The following GID4 variants were observed in gnomAD, a reference collection of about 807,000 sequenced individuals.
GID4 encodes the protein GID complex subunit 4 homolog, also known as glucose-induced degradation protein 4 homolog.
In GID4, 7 loss-of-function variants were observed where a neutral mutation model predicts 32.4. The observed-to-expected ratio is 0.22, with a 90% CI of 0.12 to 0.41. The LOEUF (loss-of-function observed/expected upper bound fraction) is 0.41. Among genes scored for constraint, GID4 ranks in the 10% least tolerant of loss-of-function variants. The pLI is 1.00. For missense variants in GID4, 309 were observed against 400.0 expected (o/e 0.77, Z 1.94); for synonymous variants, 166 against 170.0 (o/e 0.98, Z 0.18).
rs188421948 is a variant in GID4 at position 18,062,798 on chromosome 17, G to A, written c.839+823G>A. On this transcript the variant is annotated intron_variant, in intron 5 of 5. Coordinates refer to ENST00000268719, the MANE Select transcript of GID4 (RefSeq NM_024052.5). Reference sequence around the variant, plus strand: ...TCCTTTTTAAAAATAACAGCTGGCCGGGCACAGTGGCTCACGCATGTAATC... The same window carrying A: ...TCCTTTTTAAAAATAACAGCTGGCCAGGCACAGTGGCTCACGCATGTAATC... Among the ~76,000 whole-genome samples the A allele has an allele frequency of 3.3e-5, 5 of 152,286 alleles. No homozygotes were observed. The East Asian group carries it at 9.6e-4, about 29-fold the overall frequency.
At chr17:18,042,021 T>C (rs2044808330) in intron 1 of GID4, among the ~76,000 whole-genome samples, 1 of 152,240 alleles carries the variant, frequency 6.6e-6, no homozygotes, top group South Asian at 2.1e-4. Context: ...TCATCACGAC[T>C]AGTCAGTGGC....
rs2045085298 is a variant in GID4 at position 18,068,198 on chromosome 17, A to G, written c.*2955A>G. The G allele has an allele frequency of 6.6e-6, 1 of 152,594 alleles. No individual in the cohort carries two copies. The highest frequency in any genetic ancestry group is 2.4e-5 in the African/African-American group (1 of 41,432). The allele number at this position is 152,594 out of a possible 1,614,324, so 9.5% of individuals were successfully genotyped here. A position where few individuals can be genotyped will look rare whatever the true frequency, so the allele number is the denominator to read the frequency against. On this transcript the variant is annotated 3_prime_UTR_variant, in exon 6 of 6. Transcript: ENST00000268719. ...GTTGTATCGTGGTTTAAAATTACTAACAAGTTGTGGGAAAGAAAAATAATA... is the reference window on the plus strand; with the variant it reads ...GTTGTATCGTGGTTTAAAATTACTAGCAAGTTGTGGGAAAGAAAAATAATA...
At chr17:18,056,971 G>T in intron 3 of GID4, 1 of 1,550,568 alleles carries the variant, frequency 6.4e-7, no homozygotes, top group Non-Finnish European at 8.7e-7. Flanking sequence ...GTTTGTCTGA[G>T]ATTTACAATG....
chr17:18,059,565 GCT>G (rs1567588858), intron 4 of GID4, among the ~76,000 whole-genome samples: 1 of 152,142 alleles, frequency 6.6e-6, no homozygotes, highest in Non-Finnish European at 1.5e-5. Context: ...TTGGCTTTTA[GCT>G]GCGAGGTCAT....
At chr17:18,058,657 G>A (rs1273232235) in intron 3 of GID4, among the ~76,000 whole-genome samples, 3 of 152,178 alleles carry the variant, frequency 2.0e-5, no homozygotes, top group East Asian at 1.9e-4. Flanking sequence ...GGCCCCAGCT[G>A]GAGTCCAGGT....
At position 18,066,270 on chromosome 17, in the gene GID4, T is replaced by C. The variant is rs921309975; in HGVS notation, c.*1027T>C. 2.6e-5 allele frequency: 4 copies of C among 152,576 alleles called. No individual in the cohort carries two copies. In the East Asian group the frequency reaches 7.7e-4, roughly 29 times the overall value. The allele number at this position is 152,576 out of a possible 1,614,324, so 9.5% of individuals were successfully genotyped here. A position where few individuals can be genotyped will look rare whatever the true frequency, so the allele number is the denominator to read the frequency against. ...TAGTGCTCAACACAAGAACTGTTTT[T>C]GGGGCCAGTTTAGCATTTGTGCCGC... On this transcript the variant is annotated 3_prime_UTR_variant, in exon 6 of 6. Coordinates refer to ENST00000268719, the MANE Select transcript of GID4 (RefSeq NM_024052.5).
chr17:18,051,019 T>C (rs2044904446), intron 2 of GID4, among the ~76,000 whole-genome samples: 2 of 152,260 alleles, frequency 1.3e-5, no homozygotes, highest in African/African-American at 2.4e-5. Context: ...GTATTTATTT[T>C]ATTTAATTCT....
Position 18,045,187 on chromosome 17 carries a change from A to G in GID4, c.479A>G (p.Lys160Arg). 6.2e-7 allele frequency: 1 copy of G among 1,613,644 alleles called. No individual in the cohort carries two copies. The highest frequency in any genetic ancestry group is 8.5e-7 in the Non-Finnish European group (1 of 1,179,596). Residue 160 changes from lysine (K) to arginine (R), a missense_variant, in exon 2 of 6, where the codon AAG becomes AGG. Physicochemically the swap from Lys to Arg is conservative, Grantham distance 26. Around this residue, in one of 2 missense-constraint regions of GID4, gnomAD observed 116 missense variants for 214.2 expected, o/e 0.54. Transcript: ENST00000268719. ...AACTCTTACCTTTGTGGGTACTTGAAGATTAAAGGCCTTACTGAGGTAAGC... is the reference window on the plus strand; with the variant it reads ...AACTCTTACCTTTGTGGGTACTTGAGGATTAAAGGCCTTACTGAGGTAAGC... The part of the protein sequence containing the change: ...TGNSYLCGYL[K>R]IKGLTEEYPT...
chr17:18,053,843 A>T lies in GID4; in HGVS notation c.499-284A>T, dbSNP rs564366355. Among the ~76,000 whole-genome samples, 42 of 152,316 alleles carry T rather than the reference A, an allele frequency of 2.8e-4. No individual in the cohort carries two copies. The South Asian group carries it at 8.5e-3, about 31-fold the overall frequency. ...ATATTAAAAATTTATTTGTGGAAACATCCAAATTATTTTCTAAGAGACTAG... is the reference window on the plus strand; with the variant it reads ...ATATTAAAAATTTATTTGTGGAAACTTCCAAATTATTTTCTAAGAGACTAG... On this transcript the variant is annotated intron_variant, in intron 2 of 5. Coordinates refer to ENST00000268719, the MANE Select transcript of GID4 (RefSeq NM_024052.5).
At chr17:18,051,337 A>G (rs1382669101) in intron 2 of GID4, among the ~76,000 whole-genome samples, 2 of 152,154 alleles carry the variant, frequency 1.3e-5, no homozygotes, top group Non-Finnish European at 2.9e-5. Flanking sequence ...ATTTCATCCT[A>G]TCCCTTTCAA....
chr17:18,044,322 G>C (rs957197423), intron 1 of GID4, among the ~76,000 whole-genome samples: 3 of 152,152 alleles, frequency 2.0e-5, no homozygotes, highest in African/African-American at 7.2e-5. Flanking sequence ...GTCTTACGTG[G>C]TAGGTAGGTA....
intron 4 of GID4, among the ~76,000 whole-genome samples, chr17:18,059,718 TGTCAGCTTTC>T (rs1180710069): frequency 6.6e-6 from 1 of 152,218 alleles, no homozygotes; most frequent in Non-Finnish European, 1.5e-5. Context: ...CTTGAAATCT[TGTCAGCTTTC>T]ATAAAGATGA....
intron 2 of GID4, among the ~76,000 whole-genome samples, chr17:18,052,280 C>T (rs2044918536): frequency 6.6e-6 from 1 of 151,978 alleles, no homozygotes; most frequent in Admixed American, 6.6e-5. Context: ...AAACAGATCC[C>T]CTCCATGGTG....
Position 18,068,336 on chromosome 17 carries a change from G to T in GID4, c.*3093G>T, listed in dbSNP as rs1225439281. The T allele has an allele frequency of 6.6e-6, 1 of 152,290 alleles. No homozygotes were observed. The highest frequency in any genetic ancestry group is 2.4e-5 in the African/African-American group (1 of 41,308). The allele number at this position is 152,290 out of a possible 1,614,324, so 9.4% of individuals were successfully genotyped here. ...GAAGGAGTTTGAGGGTTTGGGATGGGAGAAGTATTTTGCAGAGCTATCAAT... is the reference window on the plus strand; with the variant it reads ...GAAGGAGTTTGAGGGTTTGGGATGGTAGAAGTATTTTGCAGAGCTATCAAT... On this transcript the variant is annotated 3_prime_UTR_variant, in exon 6 of 6. Transcript: ENST00000268719.
intron 2 of GID4, among the ~76,000 whole-genome samples, chr17:18,053,576 C>T (rs969193541): frequency 1.3e-5 from 2 of 151,988 alleles, no homozygotes; most frequent in Non-Finnish European, 2.9e-5. Context: ...GAAATTGTGC[C>T]ATTGCACTCC....
rs988567617 is a variant in GID4, at chr17:18,039,528, G to A, written c.64G>A (p.Val22Ile). The A allele has an allele frequency of 7.6e-7, 1 of 1,309,042 alleles. No individual in the cohort carries two copies. Among genetic ancestry groups the A allele is most frequent in the Non-Finnish European group, 9.7e-7 (1 of 1,033,604 alleles). 81.1% of individuals were successfully genotyped at this position (1,309,042 alleles called of 1,614,324 possible). A position where few individuals can be genotyped will look rare whatever the true frequency, so the allele number is the denominator to read the frequency against. ...QLRTGRPCSQ[V>I]PGSRWRPERL... Reference sequence around the variant, plus strand: ...CAGGACTGGGAGGCCCTGCTCGCAGGTCCCTGGGTCCCGGTGGCGGCCGGA... The same window carrying A: ...CAGGACTGGGAGGCCCTGCTCGCAGATCCCTGGGTCCCGGTGGCGGCCGGA... The change falls in exon 1 of 6, where the codon GTC becomes ATC. Residue 22 changes from valine to isoleucine, a missense_variant. This residue lies in a region of GID4 where 193 missense variants were observed against 185.8 expected (regional missense o/e 1.04). Transcript: ENST00000268719. This position sits in a 1 kb window ranked among gnomAD's most constrained non-coding sequence, Gnocchi z 5.3.
chr17:18,061,617 G>A lies in GID4; in HGVS notation c.709-228G>A, dbSNP rs1001563860. Among the ~76,000 whole-genome samples, 2 of 152,162 alleles carry A rather than the reference G, an allele frequency of 1.3e-5. No individual in the cohort carries two copies. The highest frequency in any genetic ancestry group is 4.8e-5 in the African/African-American group (2 of 41,420). On this transcript the variant is annotated intron_variant, in intron 4 of 5. Coordinates refer to ENST00000268719, the MANE Select transcript of GID4 (RefSeq NM_024052.5). This position sits in a 1 kb window ranked among gnomAD's most constrained non-coding sequence, Gnocchi z 4.4. ...GAATTGCTGATCCTAGTGAGCTCAA[G>A]ACACAGTTTGTCACTTTAGTATATA...
chr17:18,064,179 C>T (rs2045040586), intron 5 of GID4, among the ~76,000 whole-genome samples: 1 of 152,114 alleles, frequency 6.6e-6, no homozygotes, highest in Admixed American at 6.6e-5. Context: ...TGGACATATA[C>T]CTAGGAGTGA....
chr17:18,046,188 C>T (rs1474485217), intron 2 of GID4, among the ~76,000 whole-genome samples: 2 of 152,222 alleles, frequency 1.3e-5, no homozygotes, highest in Non-Finnish European at 2.9e-5. Context: ...AGTATTTGGA[C>T]AGAGTGCTGT....
Sources: gnomAD v4.1 joint callset for allele counts (sites outside exome capture counted in the v4.1 genomes callset) on GRCh38, gnomAD v4.1.1 for gene constraint, gnomAD v4.1.1 regional missense constraint, Gnocchi (gnomAD v3.1) non-coding constraint, MANE v1.5 for transcripts, NCBI Gene and HGNC (gene_info 2026-07-23, HGNC 2026-07-21) for gene names.